Variants in C12orf42 observed in about 807,000 individuals in gnomAD.
C12orf42 encodes the protein chromosome 12 open reading frame 42.
A neutral mutation model predicts 21.6 loss-of-function variants in C12orf42; 25 were observed. That is an observed-to-expected ratio of 1.16 (90% CI 0.84 to 1.62). The LOEUF is 1.62. Among genes scored for constraint, C12orf42 ranks in the 40% most tolerant of loss-of-function variants. The probability of loss-of-function intolerance (pLI) is 0.00; values close to 1 mark genes in which losing one functional copy is unlikely to be tolerated. For synonymous variants in C12orf42, 174 were observed against 175.0 expected (o/e 0.99, Z 0.05); for missense variants, 483 against 459.3 (o/e 1.05, Z -0.47).
the C12orf42 span, among the ~76,000 whole-genome samples, chr12:103,163,113 G>C: frequency 3.3e-5 from 5 of 152,156 alleles, no homozygotes; most frequent in Non-Finnish European, 7.3e-5. Flanking sequence ...ACTCACATCA[G>C]TGTCTGGCAA....
rs368267855 is a variant in C12orf42, at chr12:103,302,420, G to A, written c.771C>T (p.His257=). ...GGAGTCTGCTTTGGATGTCGTCGGG[G>A]TGTGCCTGAGCGCCTGCTGGGACTG... ...RMAVPAGAQA[H]PDDIQSRLLG... The change falls in exon 6 of 6, where the codon CAC becomes CAT. Residue 257 remains histidine, a synonymous_variant. Transcript: ENST00000548883. The A allele has an allele frequency of 1.9e-6, 3 of 1,613,780 alleles. No individual in the cohort carries two copies. The highest frequency in any genetic ancestry group is 2.5e-6 in the Non-Finnish European group (3 of 1,179,878).
At chr12:103,353,301 G>A (rs1222226882) in intron 4 of C12orf42, among the ~76,000 whole-genome samples, 1 of 150,826 alleles carries the variant, frequency 6.6e-6, no homozygotes, top group African/African-American at 2.4e-5. Flanking sequence ...AAAAAAAAAA[G>A]AGGGGGTGGG....
At chr12:103,146,502 AGAGAAAAGAAAG>A in the C12orf42 span, among the ~76,000 whole-genome samples, 1 of 146,176 alleles carries the variant, frequency 6.8e-6, no homozygotes, top group Admixed American at 7.0e-5. Flanking sequence ...AAAGAAAGAA[AGAGAAAAGAAAG>A]AGAAAGAAAG....
intron 4 of C12orf42, among the ~76,000 whole-genome samples, chr12:103,352,179 C>G (rs2043157278): frequency 6.6e-6 from 1 of 152,052 alleles, no homozygotes; most frequent in Non-Finnish European, 1.5e-5. Flanking sequence ...TACCCATTGC[C>G]CTGATCTGCC....
At chr12:103,494,551 G>T (rs148737987) in intron 1 of C12orf42, among the ~76,000 whole-genome samples, 3 of 151,122 alleles carry the variant, frequency 2.0e-5, no homozygotes, top group Non-Finnish European at 3.0e-5. Flanking sequence ...ACTCTATGTG[G>T]CAGATAAAAA....
At chr12:103,351,086 C>G (rs1217657082) in intron 4 of C12orf42, among the ~76,000 whole-genome samples, 1 of 152,012 alleles carries the variant, frequency 6.6e-6, no homozygotes, top group Non-Finnish European at 1.5e-5. Flanking sequence ...TGCTCCTTCC[C>G]CTAGAAAATA....
At chr12:103,492,718 T>A (rs1257969825) in intron 1 of C12orf42, among the ~76,000 whole-genome samples, 1 of 152,132 alleles carries the variant, frequency 6.6e-6, no homozygotes, top group Non-Finnish European at 1.5e-5. Context: ...CCCAAGAAGC[T>A]TAGGAAAGGA....
the C12orf42 span, among the ~76,000 whole-genome samples, chr12:103,521,577 T>C: frequency 1.1e-3 from 161 of 152,252 alleles, no homozygotes; most frequent in African/African-American, 3.6e-3. Context: ...CTAATGCATG[T>C]GGGGCTTAAT....
At chr12:103,136,483 G>A in the C12orf42 span, among the ~76,000 whole-genome samples, 1 of 152,082 alleles carries the variant, frequency 6.6e-6, no homozygotes, top group South Asian at 2.1e-4. Flanking sequence ...TAGATTCAAT[G>A]CAATTCCTAT....
chr12:103,364,288 G>T (rs901949645), intron 4 of C12orf42, among the ~76,000 whole-genome samples: 2 of 151,882 alleles, frequency 1.3e-5, no homozygotes, highest in Non-Finnish European at 2.9e-5. Flanking sequence ...AAAATTCTTT[G>T]AACTAAACAA....
chr12:103,183,994 T>A, the C12orf42 span, among the ~76,000 whole-genome samples: 2 of 152,254 alleles, frequency 1.3e-5, no homozygotes, highest in African/African-American at 4.8e-5. Context: ...ATGTTCTGTC[T>A]TGGTTGGGAA....
intron 4 of C12orf42, among the ~76,000 whole-genome samples, chr12:103,313,050 CCT>C (rs377732206): frequency 6.6e-6 from 1 of 152,292 alleles, no homozygotes; most frequent in African/African-American, 2.4e-5. Context: ...TCTGTCTTTT[CCT>C]CTCTCTCATG....
chr12:103,335,666 T>C (rs957514887), intron 4 of C12orf42, among the ~76,000 whole-genome samples: 1 of 152,216 alleles, frequency 6.6e-6, no homozygotes, highest in Non-Finnish European at 1.5e-5. Context: ...TGTTCCCTAA[T>C]GCAATTCTCA....
the C12orf42 span, among the ~76,000 whole-genome samples, chr12:103,213,820 C>T: frequency 6.6e-6 from 1 of 152,174 alleles, no homozygotes; most frequent in Non-Finnish European, 1.5e-5. Context: ...TGTCTTTTCC[C>T]CATAATTTGT....
At chr12:103,168,374 A>G in the C12orf42 span, 234 of 242,366 alleles carry the variant, frequency 9.7e-4, 8 homozygotes, top group South Asian at 0.011. Flanking sequence ...GATATTACCT[A>G]GTTCAACTCT....
the C12orf42 span, among the ~76,000 whole-genome samples, chr12:103,099,566 A>G: frequency 0.033 from 5,041 of 152,316 alleles, 260 homozygotes; most frequent in African/African-American, 0.11. Context: ...GTCAAATACG[A>G]AGCCAATTAT....
the C12orf42 span, among the ~76,000 whole-genome samples, chr12:103,143,488 T>G: frequency 3.3e-5 from 5 of 152,004 alleles, no homozygotes. Flanking sequence ...AACCCAGGAC[T>G]GTAGAAACTC....
rs573319760 is a variant in C12orf42, at chr12:103,475,905, T to C, written c.78+2444A>G. On this transcript the variant is annotated intron_variant, in intron 2 of 5. Transcript: ENST00000548883. The stretch of plus-strand genomic sequence containing the variant: ...CTCAGAATCTTTCTCAACACAAAGC[T>C]GTGGGTAGCCACCTTTATTCTCCTG... 2.4e-4 allele frequency among the ~76,000 whole-genome samples: 37 copies of C among 152,336 alleles called. 1 individual carries two copies. The highest frequency in any genetic ancestry group is 8.7e-4 in the African/African-American group (36 of 41,576).
chr12:103,468,399 T>C (rs1953312751), intron 2 of C12orf42, among the ~76,000 whole-genome samples: 1 of 152,242 alleles, frequency 6.6e-6, no homozygotes, highest in Non-Finnish European at 1.5e-5. Flanking sequence ...CTAAGGACTC[T>C]AAACGTAATG....
Sources: gnomAD v4.1 joint callset for allele counts (sites outside exome capture counted in the v4.1 genomes callset) on GRCh38, gnomAD v4.1.1 for gene constraint, MANE v1.5 for transcripts, NCBI Gene and HGNC (gene_info 2026-07-23, HGNC 2026-07-21) for gene names.